Variants in XKR4 observed in about 807,000 individuals in gnomAD.
XKR4 encodes the protein XK related 4, also known as XK-related protein 4.
Under a neutral mutation model 53.9 loss-of-function variants are expected in XKR4, and 12 were observed. That is an observed-to-expected ratio of 0.22 (90% CI 0.14 to 0.36). The LOEUF (loss-of-function observed/expected upper bound fraction) is 0.36. Ranked by LOEUF, XKR4 falls within the 10% of genes least tolerant of loss-of-function variation. XKR4 has a pLI of 1.00. For synonymous variants in XKR4, 354 were observed against 362.4 expected (o/e 0.98, Z 0.26); for missense variants, 799 against 859.5 (o/e 0.93, Z 0.88).
At chr8:55,302,399 C>A (rs1247881880) in intron 1 of XKR4, among the ~76,000 whole-genome samples, 1 of 151,944 alleles carries the variant, frequency 6.6e-6, no homozygotes. Context: ...GTTACTGTAG[C>A]CTTGTAGTAT....
intron 1 of XKR4, among the ~76,000 whole-genome samples, chr8:55,244,901 T>C (rs919409167): frequency 2.4e-4 from 23 of 97,106 alleles, no homozygotes; most frequent in Admixed American, 5.4e-4. Context: ...GCCAACATTT[T>C]TTTTTTTTTT....
chr8:55,186,662 A>C (rs1817382879), intron 1 of XKR4, among the ~76,000 whole-genome samples: 1 of 152,218 alleles, frequency 6.6e-6, no homozygotes, highest in South Asian at 2.1e-4. Flanking sequence ...TCTCAAAAAT[A>C]AATAAATAAA....
intron 1 of XKR4, among the ~76,000 whole-genome samples, chr8:55,111,232 G>A (rs1816226551): frequency 6.6e-6 from 1 of 152,150 alleles, no homozygotes; most frequent in African/African-American, 2.4e-5. Context: ...GAGCCTCATA[G>A]ACTAGATCTT....
chr8:55,431,756 C>T (rs1165046310), intron 2 of XKR4, among the ~76,000 whole-genome samples: 1 of 152,148 alleles, frequency 6.6e-6, no homozygotes, highest in Non-Finnish European at 1.5e-5. Context: ...TCCGATACTA[C>T]CTTCTGTATT....
At chr8:55,247,905 G>C (rs565069564) in intron 1 of XKR4, among the ~76,000 whole-genome samples, 6 of 79,456 alleles carry the variant, frequency 7.6e-5, no homozygotes, top group Non-Finnish European at 2.0e-4. Flanking sequence ...CTCCAGGCTG[G>C]AGTGCAGTGG....
intron 1 of XKR4, among the ~76,000 whole-genome samples, chr8:55,210,255 T>C (rs1817712880): frequency 1.3e-5 from 2 of 152,130 alleles, no homozygotes; most frequent in Non-Finnish European, 2.9e-5. Flanking sequence ...TGGCTAATTT[T>C]GTATTTTTAG....
chr8:55,303,530 T>G (rs1819238818), intron 1 of XKR4, among the ~76,000 whole-genome samples: 1 of 152,164 alleles, frequency 6.6e-6, no homozygotes, highest in Admixed American at 6.5e-5. Context: ...TTAAGGAGGA[T>G]TCCCTCTTTT....
At chr8:55,243,888 G>A (rs1163966711) in intron 1 of XKR4, among the ~76,000 whole-genome samples, 2 of 152,212 alleles carry the variant, frequency 1.3e-5, no homozygotes, top group Admixed American at 6.5e-5. Context: ...TAGACAGTGC[G>A]TGCAAGTGCA....
At chr8:55,453,663 AG>A in intron 2 of XKR4, 1 of 419,042 alleles carries the variant, frequency 2.4e-6, no homozygotes, top group Admixed American at 3.0e-5. Context: ...TCATCCAGCC[AG>A]GGGAAGGGCC....
intron 2 of XKR4, among the ~76,000 whole-genome samples, chr8:55,514,201 G>C (rs1806675785): frequency 1.3e-5 from 2 of 150,530 alleles, no homozygotes; most frequent in Non-Finnish European, 3.0e-5. Context: ...AAATAAATGA[G>C]AAAAAGTCAG....
chr8:55,141,645 T>TTGTCTC (rs1554562802), intron 1 of XKR4, among the ~76,000 whole-genome samples: 1 of 111,930 alleles, frequency 8.9e-6, no homozygotes, highest in African/African-American at 3.5e-5. Context: ...GTGCTTCTGC[T>TTGTCTC]TCTCTCTCTC....
intron 2 of XKR4, among the ~76,000 whole-genome samples, chr8:55,420,641 G>T (rs532009930): frequency 7.7e-6 from 1 of 130,048 alleles, no homozygotes; most frequent in Admixed American, 8.0e-5. Context: ...GTTGTGGGGT[G>T]GGGGGAGGGG....
intron 1 of XKR4, among the ~76,000 whole-genome samples, chr8:55,303,750 AT>A (rs1409695566): frequency 1.3e-5 from 2 of 152,128 alleles, no homozygotes; most frequent in East Asian, 3.8e-4. Context: ...CGAGGAATTT[AT>A]CCATTTCTTC....
At chr8:55,257,958 A>G (rs1389108511) in intron 1 of XKR4, among the ~76,000 whole-genome samples, 1 of 152,230 alleles carries the variant, frequency 6.6e-6, no homozygotes, top group Non-Finnish European at 1.5e-5. Flanking sequence ...GAGCCACACA[A>G]GATGAAACAG....
chr8:55,314,408 G>A (rs1819429248), intron 1 of XKR4, among the ~76,000 whole-genome samples: 3 of 152,070 alleles, frequency 2.0e-5, no homozygotes, highest in African/African-American at 7.2e-5. Context: ...CATTCTGCCT[G>A]AGGCCCCCCC....
intron 1 of XKR4, among the ~76,000 whole-genome samples, chr8:55,191,379 G>A (rs1049624241): frequency 8.5e-5 from 13 of 152,082 alleles, no homozygotes; most frequent in East Asian, 3.9e-4. Context: ...TTAGTCTTTC[G>A]ATTTTATCTG....
chr8:55,511,595 C>G (rs1414847243), intron 2 of XKR4, among the ~76,000 whole-genome samples: 1 of 152,220 alleles, frequency 6.6e-6, no homozygotes, highest in Non-Finnish European at 1.5e-5. Context: ...AAGGAAGCCA[C>G]TAAAACCTGC....
intron 2 of XKR4, among the ~76,000 whole-genome samples, chr8:55,477,881 G>T (rs1410920568): frequency 1.3e-5 from 2 of 152,090 alleles, no homozygotes; most frequent in Admixed American, 6.6e-5. Context: ...AACAAACAAA[G>T]CCTCCAAGAA....
At chr8:55,520,450 G>A (rs184715343) in intron 2 of XKR4, among the ~76,000 whole-genome samples, 1 of 152,320 alleles carries the variant, frequency 6.6e-6, no homozygotes, top group Admixed American at 6.5e-5. Flanking sequence ...GCCAGGCGTG[G>A]TGGCACATGC....
Sources: gnomAD v4.1 joint callset for allele counts (sites outside exome capture counted in the v4.1 genomes callset) on GRCh38, gnomAD v4.1.1 for gene constraint, MANE v1.5 for transcripts, NCBI Gene and HGNC (gene_info 2026-07-23, HGNC 2026-07-21) for gene names.